Variants in TMEM196 observed in about 807,000 individuals in gnomAD.
TMEM196 encodes the protein transmembrane protein 196.
Under a neutral mutation model 20.0 loss-of-function variants are expected in TMEM196, and 17 were observed. The ratio of observed to expected loss-of-function variants is 0.85; its 90% CI spans 0.58 to 1.27. The LOEUF (loss-of-function observed/expected upper bound fraction) is 1.27, where lower values mean the gene tolerates loss of function less well. TMEM196 is among the 50% of genes most tolerant of loss of function. The pLI is 0.00. For missense variants in TMEM196, 267 were observed against 223.0 expected (o/e 1.20, Z -1.26); for synonymous variants, 113 against 88.9 (o/e 1.27, Z -1.52).
intron 1 of TMEM196, among the ~76,000 whole-genome samples, chr7:19,772,213 C>G (rs1056158416): frequency 6.6e-6 from 1 of 150,714 alleles, no homozygotes; most frequent in African/African-American, 2.4e-5. Context: ...TGTGACACCC[C>G]CCTCCCCCCG....
At position 19,773,120 on chromosome 7, in the gene TMEM196, C is replaced by T. The variant is rs578189442; in HGVS notation, c.-424G>A. ...AGCCTACTAGACCCTTTCACAGGGT[C>T]CCTTCTGTTTTATTGCCGAGGAGAG... On this transcript the variant is annotated 5_prime_UTR_variant, in exon 1 of 5. Transcript: ENST00000405844. 2 of 158,144 alleles carry T rather than the reference C, an allele frequency of 1.3e-5. No individual in the cohort carries two copies. The highest frequency in any genetic ancestry group is 2.0e-4 in the South Asian group (1 of 4,890). 9.8% of individuals were successfully genotyped at this position (158,144 alleles called of 1,614,324 possible).
intron 1 of TMEM196, among the ~76,000 whole-genome samples, chr7:19,751,285 C>T (rs762497531): frequency 6.6e-6 from 1 of 152,158 alleles, no homozygotes; most frequent in African/African-American, 2.4e-5. Flanking sequence ...CTAGTGGAAC[C>T]GTATTTATGC....
chr7:19,769,987 A>G (rs765441785), intron 1 of TMEM196, among the ~76,000 whole-genome samples: 3 of 152,178 alleles, frequency 2.0e-5, no homozygotes, highest in African/African-American at 7.2e-5. Flanking sequence ...AGATAAGGAA[A>G]CTTGGGCTAG....
chr7:19,739,608 C>G (rs142833321), intron 1 of TMEM196, among the ~76,000 whole-genome samples: 145 of 151,970 alleles, frequency 9.5e-4, no homozygotes, highest in African/African-American at 3.3e-3. Flanking sequence ...CAACAATAAG[C>G]AAAAGACTAA....
At chr7:19,752,100 G>A (rs148599739) in intron 1 of TMEM196, among the ~76,000 whole-genome samples, 3 of 152,256 alleles carry the variant, frequency 2.0e-5, no homozygotes, top group East Asian at 1.9e-4. Flanking sequence ...AGATTGTGTC[G>A]ATGCTCCAAG....
At chr7:19,739,399 T>C (rs1472219656) in intron 1 of TMEM196, among the ~76,000 whole-genome samples, 3 of 152,114 alleles carry the variant, frequency 2.0e-5, no homozygotes, top group Non-Finnish European at 4.4e-5. Flanking sequence ...TATAGATTTG[T>C]ACAAATGAAA....
At chr7:19,762,760 C>G (rs903615476) in intron 1 of TMEM196, among the ~76,000 whole-genome samples, 1 of 152,116 alleles carries the variant, frequency 6.6e-6, no homozygotes. Flanking sequence ...GTTGTGCCAG[C>G]TTTGAGTCTG....
At chr7:19,742,537 A>G (rs1418942909) in intron 1 of TMEM196, among the ~76,000 whole-genome samples, 1 of 152,120 alleles carries the variant, frequency 6.6e-6, no homozygotes, top group East Asian at 1.9e-4. Flanking sequence ...ATTTGACGAC[A>G]TATGTTTTAT....
chr7:19,729,228 A>C (rs1014729703), intron 2 of TMEM196, among the ~76,000 whole-genome samples, 154 bp downstream of exon 2: 1 of 150,176 alleles, frequency 6.7e-6, no homozygotes, highest in African/African-American at 2.5e-5. Context: ...TTTTCTTTGA[A>C]AACAGAAAAG....
Position 19,722,632 on chromosome 7 carries a change from T to C in TMEM196, c.534-498A>G, listed in dbSNP as rs1170252457. 2.0e-5 allele frequency among the ~76,000 whole-genome samples: 3 copies of C among 152,030 alleles called. No individual in the cohort carries two copies. The East Asian group carries it at 5.8e-4, about 29-fold the overall frequency. ...ACTATGGATCACTAAAAAATCATAG[T>C]GGGAAAGATTGTTTTTCATGACACT... On this transcript the variant is annotated intron_variant, in intron 4 of 4. Coordinates refer to ENST00000405844, the MANE Select transcript of TMEM196 (RefSeq NM_001363562.2).
At chr7:19,753,659 A>G (rs977335271) in intron 1 of TMEM196, among the ~76,000 whole-genome samples, 2 of 152,186 alleles carry the variant, frequency 1.3e-5, no homozygotes, top group African/African-American at 4.8e-5. Context: ...TCTTAAAATA[A>G]ATTGATTCTA....
At chr7:19,736,914 T>C (rs1301169202) in intron 1 of TMEM196, among the ~76,000 whole-genome samples, 1 of 152,028 alleles carries the variant, frequency 6.6e-6, no homozygotes, top group Non-Finnish European at 1.5e-5. Context: ...AAGTCTCTAA[T>C]CTTTTCTAAA....
Position 19,724,300 on chromosome 7 carries a change from C to A in TMEM196, c.513G>T (p.Pro171=). The A allele has an allele frequency of 6.5e-7, 1 of 1,550,226 alleles. No homozygotes were observed. The highest frequency in any genetic ancestry group is 8.7e-7 in the Non-Finnish European group (1 of 1,146,832). ...TDLPSCPVVP[P]TPELPTRK is the part of the protein sequence containing the mutation. ...CGTACCTTGTAGGTAACTCTGGTGT[C>A]GGGGGCACCACCGGGCAGCTGGGCA... The change falls in exon 4 of 5, where the codon CCG becomes CCT. Residue 171 remains proline (P), a synonymous_variant. Coordinates refer to ENST00000405844, the MANE Select transcript of TMEM196 (RefSeq NM_001363562.2).
chr7:19,755,656 CT>C (rs1785180133), intron 1 of TMEM196, among the ~76,000 whole-genome samples: 1 of 152,164 alleles, frequency 6.6e-6, no homozygotes, highest in Admixed American at 6.5e-5. Flanking sequence ...CCAATTCTGC[CT>C]TTCCAGTTTA....
chr7:19,755,927 G>C (rs1047597571), intron 1 of TMEM196, among the ~76,000 whole-genome samples: 1 of 152,056 alleles, frequency 6.6e-6, no homozygotes, highest in Non-Finnish European at 1.5e-5. Flanking sequence ...TACTCAGGAG[G>C]CTGAGGCACA....
Position 19,721,938 on chromosome 7 carries a change from A to AT in TMEM196, c.*189dup, listed in dbSNP as rs59729335. 4.9e-3 allele frequency: 3,685 copies of AT among 748,776 alleles called. 97 individuals are homozygous for AT. In the African/African-American group the frequency reaches 0.059, roughly 12 times the overall value. The allele number at this position is 748,776 out of a possible 1,614,324, so 46.4% of individuals were successfully genotyped here. ...GGTGGAGAAACCAGTGAGGCAATAT[A>AT]TTTTTTAGGAAGAATAATTTTAGTG... On this transcript the variant is annotated 3_prime_UTR_variant, in exon 5 of 5. Transcript: ENST00000405844.
intron 1 of TMEM196, among the ~76,000 whole-genome samples, chr7:19,756,573 A>G (rs1381046608): frequency 6.6e-6 from 1 of 151,926 alleles, no homozygotes; most frequent in Non-Finnish European, 1.5e-5. Flanking sequence ...CTATGAGTCC[A>G]TATGTTCTTA....
intron 1 of TMEM196, among the ~76,000 whole-genome samples, chr7:19,736,460 G>A (rs1784412626): frequency 1.4e-5 from 2 of 138,738 alleles, no homozygotes; most frequent in Admixed American, 1.5e-4. Context: ...TGAAAGCACT[G>A]TTTTTCAAAT....
rs972721160 is a variant in TMEM196, at chr7:19,721,209, A to G, written c.*919T>C. On this transcript the variant is annotated 3_prime_UTR_variant, in exon 5 of 5. Coordinates refer to ENST00000405844, the MANE Select transcript of TMEM196 (RefSeq NM_001363562.2). ...ATTTTGTGGGCATAGAAGGGCCTTG[A>G]GCAATTGCCTTCCCATTTCTATTGG... The G allele has an allele frequency of 1.3e-5, 2 of 151,932 alleles. No individual in the cohort carries two copies. The highest frequency in any genetic ancestry group is 2.9e-5 in the Non-Finnish European group (2 of 67,820). The allele number at this position is 151,932 out of a possible 1,614,324, so 9.4% of individuals were successfully genotyped here. A position where few individuals can be genotyped will look rare whatever the true frequency, so the allele number is the denominator to read the frequency against.
Sources: allele counts gnomAD v4.1 joint callset (sites outside exome capture counted in the v4.1 genomes callset), GRCh38; gene constraint gnomAD v4.1.1; transcripts MANE v1.5; gene names NCBI Gene and HGNC (gene_info 2026-07-23, HGNC 2026-07-21).